The following MTHFD1L variants were observed in gnomAD, a reference collection of about 807,000 sequenced individuals.
MTHFD1L encodes methylenetetrahydrofolate dehydrogenase (NADP+ dependent) 1 like, also known as monofunctional C1-tetrahydrofolate synthase, mitochondrial.
MTHFD1L carries 81 observed loss-of-function variants against 119.5 expected under a neutral mutation model. The observed-to-expected ratio is 0.68, with a 90% CI of 0.57 to 0.82. The LOEUF (loss-of-function observed/expected upper bound fraction) is 0.82, where lower values mean the gene tolerates loss of function less well. MTHFD1L is among the 40% of genes least tolerant of loss of function. The pLI is 0.00. For synonymous variants in MTHFD1L, 430 were observed against 475.2 expected, an observed-to-expected ratio of 0.90 and a Z score of 1.24; for missense variants, 1,125 against 1,253.4, an observed-to-expected ratio of 0.90 and a Z score of 1.55.
intron 20 of MTHFD1L, among the ~76,000 whole-genome samples, chr6:150,982,333 A>G (rs1777629223): frequency 6.6e-6 from 1 of 152,150 alleles, no homozygotes; most frequent in Admixed American, 6.5e-5. Context: ...TTTTTGTGCA[A>G]CATAACAGTT....
At chr6:151,070,400 C>G (rs1431428807) in intron 26 of MTHFD1L, among the ~76,000 whole-genome samples, 1 of 152,234 alleles carries the variant, frequency 6.6e-6, no homozygotes, top group East Asian at 1.9e-4. Flanking sequence ...CAACCAGCTT[C>G]TCTCTTTCAG....
intron 22 of MTHFD1L, 149 bp from the exon 23 acceptor site, chr6:151,014,731 C>T: frequency 1.7e-6 from 1 of 605,792 alleles, no homozygotes; most frequent in Admixed American, 3.0e-5. Context: ...TGAAGACGAA[C>T]CTCTTTATTC....
intron 9 of MTHFD1L, among the ~76,000 whole-genome samples, chr6:150,919,797 G>A (rs1327374483): frequency 5.3e-5 from 8 of 152,088 alleles, no homozygotes; most frequent in Non-Finnish European, 2.9e-5. Flanking sequence ...CCTCCACCAG[G>A]CCCCACCTCT....
At chr6:150,919,407 T>C (rs774161727) in intron 9 of MTHFD1L, among the ~76,000 whole-genome samples, 4 of 151,990 alleles carry the variant, frequency 2.6e-5, no homozygotes, top group Non-Finnish European at 4.4e-5. Context: ...GTATTTTTAG[T>C]AGAGACAGGG....
chr6:151,002,925 T>G (rs1780823647), intron 20 of MTHFD1L, among the ~76,000 whole-genome samples: 1 of 152,114 alleles, frequency 6.6e-6, no homozygotes, highest in African/African-American at 2.4e-5. Flanking sequence ...TCCTGTGCAT[T>G]ATAGGATATT....
At chr6:150,962,628 G>A (rs910033517) in intron 18 of MTHFD1L, among the ~76,000 whole-genome samples, 7 of 152,294 alleles carry the variant, frequency 4.6e-5, no homozygotes, top group African/African-American at 1.4e-4. Flanking sequence ...GCAGCACACA[G>A]AGGGTGGCAG....
chr6:150,900,596 A>G (rs1784952234), intron 7 of MTHFD1L, among the ~76,000 whole-genome samples: 2 of 152,176 alleles, frequency 1.3e-5, no homozygotes, highest in Admixed American at 6.5e-5. Context: ...AGATCTCAGT[A>G]TCTTGCTTTT....
chr6:151,034,340 GA>G (rs757848452), intron 24 of MTHFD1L, among the ~76,000 whole-genome samples, 152 bp from the exon 25 acceptor site: 2 of 152,136 alleles, frequency 1.3e-5, no homozygotes, highest in East Asian at 3.9e-4. Context: ...GTGCTAAAAG[GA>G]AAAAAGAGGG....
At chr6:151,029,458 A>G (rs116181154) in intron 24 of MTHFD1L, among the ~76,000 whole-genome samples, 1,801 of 151,044 alleles carry the variant, frequency 0.012, 30 homozygotes, top group African/African-American at 0.041. Flanking sequence ...TACATATTAT[A>G]TAGATAGATA....
chr6:150,956,176 G>A (rs141370650), intron 17 of MTHFD1L, 105 bp downstream of exon 17: 23 of 1,153,142 alleles, frequency 2.0e-5, no homozygotes, highest in East Asian at 1.7e-4. Context: ...ACCTGTTGTG[G>A]CCAGTGGTTC....
Position 150,865,740 on chromosome 6 carries a change from C to CCGCCGCCGT in MTHFD1L, c.-76_-75insGTCGCCGCC. On this transcript the variant is annotated 5_prime_UTR_variant, in exon 1 of 28. Transcript: ENST00000367321. The stretch of plus-strand genomic sequence containing the variant: ...GTCCTTCCCGCCGCCGCCGCCGCCG[C>CCGCCGCCGT]CGCCGCCTGCTCCCCTGGCACGCGC... 1 of 1,154,390 alleles carries CCGCCGCCGT rather than the reference C, an allele frequency of 8.7e-7. No homozygotes were observed. Among genetic ancestry groups the CCGCCGCCGT allele is most frequent in the Non-Finnish European group, 1.1e-6 (1 of 936,036 alleles). 71.5% of individuals were successfully genotyped at this position (1,154,390 alleles called of 1,614,324 possible). A position where few individuals can be genotyped will look rare whatever the true frequency, so the allele number is the denominator to read the frequency against.
At chr6:150,919,505 A>C (rs1431461213) in intron 9 of MTHFD1L, among the ~76,000 whole-genome samples, 1 of 152,136 alleles carries the variant, frequency 6.6e-6, no homozygotes, top group Non-Finnish European at 1.5e-5. Context: ...GATTACAGGC[A>C]TGAGCCACCG....
rs537938756 is a variant in MTHFD1L at position 150,986,896 on chromosome 6, T to C, written c.2125+14838T>C. On this transcript the variant is annotated intron_variant, in intron 20 of 27. Transcript: ENST00000367321. ...TTTGTCATTTTAGTAGAGACTGAGTTTCACCATGTTGGCCAGGCTGGTCTC... is the reference window on the plus strand; with the variant it reads ...TTTGTCATTTTAGTAGAGACTGAGTCTCACCATGTTGGCCAGGCTGGTCTC... Among the ~76,000 whole-genome samples, 1,006 of 152,228 alleles carry C rather than the reference T, an allele frequency of 6.6e-3. 4 individuals are homozygous for C. The highest frequency in any genetic ancestry group is 9.4e-3 in the Non-Finnish European group (636 of 68,008).
rs1304406704 is a variant in MTHFD1L, at chr6:151,101,304, G to A, written c.*32-222G>A. Among the ~76,000 whole-genome samples, 8 of 152,146 alleles carry A rather than the reference G, an allele frequency of 5.3e-5. 1 individual carries two copies. Among genetic ancestry groups the A allele is most frequent in the African/African-American group, 1.9e-4 (8 of 41,436 alleles). ...TGGGAAGTTTAGAATGCTGCATGGC[G>A]TAGCTGTGCCTGCTCTTATAGAGTG... is the stretch of plus-strand genomic sequence containing the variant. On this transcript the variant is annotated intron_variant, in intron 27 of 27. Transcript: ENST00000367321.
In MTHFD1L at chr6:150,877,813, G is replaced by A. The variant is rs1186821750; in HGVS notation, c.404G>A (p.Ser135Asn). 1.2e-6 allele frequency: 2 copies of A among 1,614,190 alleles called. No individual in the cohort carries two copies. The highest frequency in any genetic ancestry group is 1.7e-5 in the Admixed American group (1 of 60,022). The change falls in exon 4 of 28, where the codon AGC (serine) becomes AAC (asparagine). Residue 135 changes from serine (S) to asparagine (N), a missense_variant. Ser to Asn is a conservative substitution (Grantham distance 46, BLOSUM62 1). Around this residue, in one of 3 missense-constraint regions of MTHFD1L, gnomAD observed 1,058 missense variants for 1,151.2 expected, o/e 0.92. Coordinates refer to ENST00000367321, the MANE Select transcript of MTHFD1L (RefSeq NM_015440.5). ...NITHICLPPD[S>N]SEAEIIDEIL... is the part of the protein sequence containing the mutation. ...ACTCACATTTGCCTCCCTCCAGATA[G>A]CAGTGAAGCCGAGGTAATAATGGCA... is the stretch of plus-strand genomic sequence containing the variant.
intron 24 of MTHFD1L, among the ~76,000 whole-genome samples, chr6:151,023,947 C>T (rs142785979): frequency 1.3e-5 from 2 of 151,958 alleles, no homozygotes; most frequent in Admixed American, 1.3e-4. Flanking sequence ...AAAGCAAGCT[C>T]GTGAAGACCA....
intron 20 of MTHFD1L, among the ~76,000 whole-genome samples, chr6:150,988,470 A>G (rs1003180961): frequency 6.6e-6 from 1 of 152,256 alleles, no homozygotes; most frequent in Non-Finnish European, 1.5e-5. Flanking sequence ...CAAAGAAAAC[A>G]TAACAGAATT....
intron 18 of MTHFD1L, among the ~76,000 whole-genome samples, chr6:150,963,265 G>A (rs1206364260): frequency 6.6e-6 from 1 of 152,012 alleles, no homozygotes; most frequent in Non-Finnish European, 1.5e-5. Flanking sequence ...ATAATGAGTG[G>A]GTTGCATTCA....
Position 151,009,817 on chromosome 6 carries a change from A to C in MTHFD1L, c.2126-2A>C. ...GCACATATTCCACTTGCTTCCCCAC[A>C]GTGACCGAAGCTGGCTTTGGTGCTG... is the stretch of plus-strand genomic sequence containing the variant. On this transcript the variant is annotated splice_acceptor_variant, in intron 20 of 27. Coordinates refer to ENST00000367321, the MANE Select transcript of MTHFD1L (RefSeq NM_015440.5). LOFTEE classifies it high-confidence loss of function. The C allele has an allele frequency of 6.2e-7, 1 of 1,613,562 alleles. No individual in the cohort carries two copies. Among genetic ancestry groups the C allele is most frequent in the Non-Finnish European group, 8.5e-7 (1 of 1,179,696 alleles).
Sources: allele counts gnomAD v4.1 joint callset (sites outside exome capture counted in the v4.1 genomes callset), GRCh38; gene constraint gnomAD v4.1.1; regional missense constraint gnomAD v4.1.1; transcripts MANE v1.5; gene names NCBI Gene and HGNC (gene_info 2026-07-23, HGNC 2026-07-21).